The following KLF8 variants were observed in gnomAD, a reference collection of about 807,000 sequenced individuals.
KLF8 encodes Krueppel-like factor 8.
A neutral mutation model predicts 18.2 loss-of-function variants in KLF8; 10 were observed. The ratio of observed to expected loss-of-function variants is 0.55; its 90% CI spans 0.34 to 0.93. The LOEUF (loss-of-function observed/expected upper bound fraction) is 0.93. Among genes scored for constraint, KLF8 ranks in the 40% least tolerant of loss-of-function variants. The pLI is 0.02. For missense variants in KLF8, 264 were observed against 277.9 expected, an observed-to-expected ratio of 0.95 and a Z score of 0.36; for synonymous variants, 109 against 97.3, an observed-to-expected ratio of 1.12 and a Z score of -0.71.
chrX:55,994,497 G>T, the KLF8 span, among the ~76,000 whole-genome samples: 2 of 104,181 alleles, frequency 1.9e-5, no homozygotes, highest in Admixed American at 1.0e-4. Flanking sequence ...TATTTTCTTA[G>T]TTCCTCTATT....
the KLF8 span, among the ~76,000 whole-genome samples, chrX:56,001,601 A>T: frequency 8.9e-6 from 1 of 112,076 alleles, no homozygotes; most frequent in Non-Finnish European, 1.9e-5. Flanking sequence ...AAATCTATAT[A>T]TTCTCCTCAA....
At chrX:55,931,028 G>C in the KLF8 span, among the ~76,000 whole-genome samples, 1 of 111,822 alleles carries the variant, frequency 8.9e-6, no homozygotes, top group Non-Finnish European at 1.9e-5. Context: ...TTTTGTTTTG[G>C]TTGGTAGGCT....
At chrX:56,152,742 C>T in the KLF8 span, among the ~76,000 whole-genome samples, 3 of 111,668 alleles carry the variant, frequency 2.7e-5, no homozygotes, top group Non-Finnish European at 5.6e-5. Context: ...ACCTGCATGT[C>T]TGCACTCCTC....
At chrX:56,175,120 A>C in the KLF8 span, among the ~76,000 whole-genome samples, 1 of 110,308 alleles carries the variant, frequency 9.1e-6, no homozygotes, top group African/African-American at 3.3e-5. Context: ...GATCTTAGTT[A>C]TTTCTTGCCT....
the KLF8 span, among the ~76,000 whole-genome samples, chrX:56,112,548 C>A: frequency 8.9e-6 from 1 of 111,993 alleles, no homozygotes; most frequent in East Asian, 2.8e-4. Context: ...ATTCTTTCCA[C>A]CCCATTCTCC....
the KLF8 span, among the ~76,000 whole-genome samples, chrX:56,157,364 C>T: frequency 1.8e-5 from 2 of 109,456 alleles, no homozygotes; most frequent in Non-Finnish European, 3.8e-5. Context: ...TGTACATGTA[C>T]CCTAGAACTT....
At chrX:55,962,777 CA>C in the KLF8 span, among the ~76,000 whole-genome samples, 384 of 112,244 alleles carry the variant, frequency 3.4e-3, no homozygotes, top group African/African-American at 0.012. Flanking sequence ...GTCATCACAC[CA>C]AAAAACCTGT....
chrX:55,940,731 G>A, the KLF8 span, among the ~76,000 whole-genome samples: 11 of 109,896 alleles, frequency 1.0e-4, no homozygotes, highest in African/African-American at 1.3e-4. Context: ...TTATACACCA[G>A]TAACAGACAG....
chrX:56,172,453 G>A, the KLF8 span, among the ~76,000 whole-genome samples: 3 of 111,474 alleles, frequency 2.7e-5, no homozygotes, highest in African/African-American at 9.8e-5. Context: ...TTTTATGGCT[G>A]CATAGTATTC....
intron 5 of KLF8, among the ~76,000 whole-genome samples, chrX:56,272,778 T>C (rs181721540): frequency 9.0e-6 from 1 of 111,554 alleles, no homozygotes; most frequent in Non-Finnish European, 1.9e-5. Flanking sequence ...AGGATTTTCA[T>C]CTGTTTGCTT....
chrX:55,958,782 A>G, the KLF8 span, among the ~76,000 whole-genome samples: 3 of 112,613 alleles, frequency 2.7e-5, no homozygotes, highest in South Asian at 1.1e-3. Flanking sequence ...GGTTCTTGTC[A>G]ACTCTAAGAA....
the KLF8 span, among the ~76,000 whole-genome samples, chrX:56,107,509 C>T: frequency 8.9e-6 from 1 of 111,902 alleles, no homozygotes; most frequent in Admixed American, 9.5e-5. Context: ...GCTCCATGGA[C>T]ATGGGACCCG....
the KLF8 span, among the ~76,000 whole-genome samples, chrX:56,114,448 T>G: frequency 1.1e-4 from 12 of 112,881 alleles, no homozygotes; most frequent in Admixed American, 7.5e-4. Flanking sequence ...CTTTCTAAAC[T>G]TCAGTGTTCT....
the KLF8 span, among the ~76,000 whole-genome samples, chrX:56,040,522 C>T: frequency 1.8e-5 from 2 of 111,680 alleles, no homozygotes; most frequent in African/African-American, 3.2e-5. Flanking sequence ...CGTGATTAAT[C>T]ACATTTATTG....
chrX:55,947,304 G>T, the KLF8 span, among the ~76,000 whole-genome samples: 2 of 110,044 alleles, frequency 1.8e-5, no homozygotes, highest in South Asian at 7.9e-4. Context: ...ATACTATTCG[G>T]CCATAAAAAA....
chrX:56,018,897 A>G, the KLF8 span, among the ~76,000 whole-genome samples: 1 of 110,949 alleles, frequency 9.0e-6, no homozygotes, highest in Non-Finnish European at 1.9e-5. Flanking sequence ...TTCAAGCTGT[A>G]GGAATCTGGC....
chrX:56,223,756 G>T, the KLF8 span, among the ~76,000 whole-genome samples: 1 of 112,385 alleles, frequency 8.9e-6, no homozygotes, highest in African/African-American at 3.2e-5. Context: ...ATGTAGCCAG[G>T]ATTTGTGTAC....
the KLF8 span, among the ~76,000 whole-genome samples, chrX:56,028,223 G>A: frequency 2.7e-5 from 3 of 112,097 alleles, no homozygotes; most frequent in African/African-American, 9.7e-5. Context: ...ACTTACAAAA[G>A]TCTTGCTGTT....
At chrX:56,105,113 C>T in the KLF8 span, among the ~76,000 whole-genome samples, 3 of 111,603 alleles carry the variant, frequency 2.7e-5, no homozygotes, top group African/African-American at 9.8e-5. Context: ...TTTACGTTTG[C>T]TGAGGAGTGC....
Sources: gnomAD v4.1 joint callset for allele counts (sites outside exome capture counted in the v4.1 genomes callset) on GRCh38, gnomAD v4.1.1 for gene constraint, MANE v1.5 for transcripts, NCBI Gene and HGNC (gene_info 2026-07-23, HGNC 2026-07-21) for gene names.